CDK12: variants seen among roughly 807,000 people sequenced by gnomAD.
The protein encoded by CDK12 is cyclin-dependent kinase 12.
Under a neutral mutation model 133.8 loss-of-function variants are expected in CDK12, and 17 were observed. That is an observed-to-expected ratio of 0.13 (90% CI 0.09 to 0.19). The LOEUF (loss-of-function observed/expected upper bound fraction) is 0.19. Among genes scored for constraint, CDK12 ranks in the 10% least tolerant of loss-of-function variants. CDK12 has a pLI of 1.00. For missense variants in CDK12, 1,508 were observed against 1,818.7 expected (o/e 0.83, Z 3.11); for synonymous variants, 694 against 683.6 (o/e 1.02, Z -0.24).
At chr17:39,500,901 AT>A (rs373106354) in intron 5 of CDK12, among the ~76,000 whole-genome samples, 12 of 145,820 alleles carry the variant, frequency 8.2e-5, no homozygotes, top group Admixed American at 1.4e-4. Context: ...TAATTTTTGT[AT>A]TTTTTTTTTA....
chr17:39,464,256 T>G (rs2049139605), intron 1 of CDK12, among the ~76,000 whole-genome samples: 1 of 151,912 alleles, frequency 6.6e-6, no homozygotes, highest in African/African-American at 2.4e-5. Context: ...GATCTTGCCC[T>G]GTTGCCTAGG....
At chr17:39,540,071 A>G (rs527962683) in intron 1 of CDK12, among the ~76,000 whole-genome samples, 16 of 152,352 alleles carry the variant, frequency 1.1e-4, no homozygotes, top group African/African-American at 3.6e-4. Context: ...GAAGCAGGAA[A>G]GTTCACTAAA....
chr17:39,462,015 G>A lies in CDK12; in HGVS notation c.-57G>A. ...GTTGGGGTTGGGGGGGTGGGTGGGG[G>A]TTGCTTTTTGGAGTGCTGGGGAACT... On this transcript the variant is annotated 5_prime_UTR_variant, in exon 1 of 14. Coordinates refer to ENST00000447079, the MANE Select transcript of CDK12 (RefSeq NM_016507.4). 1 of 1,451,238 alleles carries A rather than the reference G, an allele frequency of 6.9e-7. No homozygotes were observed. Among genetic ancestry groups the A allele is most frequent in the Non-Finnish European group, 9.5e-7 (1 of 1,056,902 alleles). The allele number at this position is 1,451,238 out of a possible 1,614,324, so 89.9% of individuals were successfully genotyped here.
chr17:39,522,656 A>G (rs2054252299), intron 11 of CDK12, among the ~76,000 whole-genome samples: 1 of 151,940 alleles, frequency 6.6e-6, no homozygotes, highest in South Asian at 2.1e-4. Flanking sequence ...CTTGTCTCCA[A>G]TTCCTGACCT....
At chr17:39,522,395 C>T (rs562036281) in intron 11 of CDK12, among the ~76,000 whole-genome samples, 1 of 151,378 alleles carries the variant, frequency 6.6e-6, no homozygotes, top group South Asian at 2.1e-4. Context: ...CCAACAGTCC[C>T]AGTTTTAAAT....
intron 8 of CDK12, among the ~76,000 whole-genome samples, chr17:39,515,411 AT>A (rs2053740148): frequency 6.6e-6 from 1 of 152,138 alleles, no homozygotes; most frequent in African/African-American, 2.4e-5. Context: ...TTGTTCTTTA[AT>A]TTTGAGCAAC....
At chr17:39,482,553 T>C (rs1488300214) in intron 2 of CDK12, among the ~76,000 whole-genome samples, 6 of 151,690 alleles carry the variant, frequency 4.0e-5, no homozygotes, top group Non-Finnish European at 8.8e-5. Flanking sequence ...TTTTCTGTAT[T>C]GTTACGGTTT....
intron 5 of CDK12, among the ~76,000 whole-genome samples, chr17:39,498,924 T>C (rs1391030929): frequency 0.39 from 11 of 28 alleles, no homozygotes; most frequent in South Asian, 0.5. Context: ...TCTTTCTTTC[T>C]TTCTTTCTTT....
intron 7 of CDK12, 25 bp from the exon 8 acceptor site, chr17:39,511,504 G>A: frequency 6.9e-7 from 1 of 1,451,506 alleles, no homozygotes; most frequent in Non-Finnish European, 9.6e-7. Flanking sequence ...GTAAGTTTAT[G>A]TCATGGTTGT....
chr17:39,531,212 C>T lies in CDK12; in HGVS notation c.4369C>T (p.Leu1457Phe). 1 of 1,517,290 alleles carries T rather than the reference C, an allele frequency of 6.6e-7. No individual in the cohort carries two copies. The highest frequency in any genetic ancestry group is 8.8e-7 in the Non-Finnish European group (1 of 1,134,638). The allele number at this position is 1,517,290 out of a possible 1,614,324, so 94.0% of individuals were successfully genotyped here. Reference protein sequence around the residue: ...TTGASSSGAGLHWGGPTQSSA... With the variant: ...TTGASSSGAGFHWGGPTQSSA... ...TGGGGCCAGCAGCTCAGGAGCAGGC[C>T]TTCACTGGGGGGGCCCAACTCAGTC... The change falls in exon 14 of 14, where the codon CTT becomes TTT. Residue 1457 changes from leucine to phenylalanine, a missense_variant. Leu to Phe is a conservative substitution (Grantham distance 22, BLOSUM62 0). Coordinates refer to ENST00000447079, the MANE Select transcript of CDK12 (RefSeq NM_016507.4).
intron 3 of CDK12, among the ~76,000 whole-genome samples, chr17:39,563,195 ACT>A (rs1206357152): frequency 6.6e-6 from 1 of 151,246 alleles, no homozygotes; most frequent in Non-Finnish European, 1.5e-5. Context: ...ACACACACAC[ACT>A]CACACACACG....
chr17:39,522,634 A>G (rs779200860), intron 11 of CDK12, among the ~76,000 whole-genome samples: 16 of 151,842 alleles, frequency 1.1e-4, no homozygotes, highest in Non-Finnish European at 2.2e-4. Flanking sequence ...AGGTTTCACC[A>G]TGTTGACCAG....
chr17:39,470,228 C>T (rs1438441200), intron 1 of CDK12, among the ~76,000 whole-genome samples: 1 of 151,404 alleles, frequency 6.6e-6, no homozygotes, highest in East Asian at 1.9e-4. Flanking sequence ...TCATGCCATT[C>T]TCCTGCCTCA....
intron 2 of CDK12, among the ~76,000 whole-genome samples, chr17:39,481,376 G>T (rs537279256): frequency 6.7e-6 from 1 of 148,962 alleles, no homozygotes; most frequent in Non-Finnish European, 1.5e-5. Flanking sequence ...CCCAGGCTGG[G>T]GTACACTGGC....
intron 1 of CDK12, 83 bp downstream of exon 1, chr17:39,463,200 G>A (rs2049069221): frequency 3.3e-6 from 4 of 1,224,532 alleles, no homozygotes; most frequent in Admixed American, 1.9e-5. Context: ...TTGTCTGGAA[G>A]CCCGCAGTGT....
intron 10 of CDK12, among the ~76,000 whole-genome samples, chr17:39,518,092 C>T (rs2053927858): frequency 6.6e-6 from 1 of 152,018 alleles, no homozygotes; most frequent in South Asian, 2.1e-4. Flanking sequence ...ATTCTCCTGC[C>T]TCAGCCTCCC....
At chr17:39,473,075 T>TAA (rs796227047) in intron 2 of CDK12, among the ~76,000 whole-genome samples, 2 of 140,116 alleles carry the variant, frequency 1.4e-5, no homozygotes, top group East Asian at 2.0e-4. Flanking sequence ...GACTCCGTCT[T>TAA]AAAAAAAAAA....
At chr17:39,554,075 C>T (rs1333012136) in intron 2 of CDK12, among the ~76,000 whole-genome samples, 6 of 152,272 alleles carry the variant, frequency 3.9e-5, no homozygotes, top group South Asian at 2.1e-4. Context: ...ACAGGAGGTA[C>T]GGGGCATCCA....
intron 5 of CDK12, among the ~76,000 whole-genome samples, chr17:39,497,692 C>T (rs1417347740): frequency 6.6e-6 from 1 of 151,798 alleles, no homozygotes; most frequent in Non-Finnish European, 1.5e-5. Context: ...CATCCTCAAC[C>T]TCCAGGCTCA....
Sources: gnomAD v4.1 joint callset for allele counts (sites outside exome capture counted in the v4.1 genomes callset) on GRCh38, gnomAD v4.1.1 for gene constraint, MANE v1.5 for transcripts, NCBI Gene and HGNC (gene_info 2026-07-23, HGNC 2026-07-21) for gene names.